Variants in TC2N observed in about 807,000 individuals in gnomAD.
TC2N encodes the protein tandem C2 domains, nuclear.
In TC2N, 51 loss-of-function variants were observed where a neutral mutation model predicts 61.9. The observed-to-expected ratio is 0.82, with a 90% confidence interval of 0.66 to 1.04. The LOEUF (loss-of-function observed/expected upper bound fraction) is 1.04. Ranked by LOEUF, TC2N falls within the 50% of genes least tolerant of loss-of-function variation. TC2N has a pLI of 0.00. For synonymous variants in TC2N, 204 were observed against 192.6 expected (o/e 1.06, Z -0.49); for missense variants, 556 against 566.7 (o/e 0.98, Z 0.19).
intron 1 of TC2N, among the ~76,000 whole-genome samples, chr14:91,863,706 C>T (rs1433289120): frequency 6.6e-6 from 1 of 151,564 alleles, no homozygotes; most frequent in Non-Finnish European, 1.5e-5. Flanking sequence ...AGAATGGAGG[C>T]TGGGCATGGT....
intron 1 of TC2N, among the ~76,000 whole-genome samples, chr14:91,816,190 T>C (rs1349497892): frequency 6.6e-6 from 1 of 151,762 alleles, no homozygotes; most frequent in East Asian, 1.9e-4. Flanking sequence ...TAATTTTGCT[T>C]GTATTGCCAA....
At chr14:91,792,641 A>G in intron 8 of TC2N, 83 bp from the exon 9 acceptor site, 1 of 636,268 alleles carries the variant, frequency 1.6e-6, no homozygotes, top group Non-Finnish European at 2.4e-6. Flanking sequence ...TTTTATATTT[A>G]GGAAAGGTAT....
intron 9 of TC2N, among the ~76,000 whole-genome samples, chr14:91,791,670 TA>T (rs1332756043): frequency 6.6e-6 from 1 of 152,172 alleles, no homozygotes; most frequent in Non-Finnish European, 1.5e-5. Flanking sequence ...ACAACTTTCC[TA>T]ATCTATTTCA....
At position 91,802,351 on chromosome 14, in the gene TC2N, ATAGC is replaced by A. The variant is rs748904077; in HGVS notation, c.368_371del (p.Ser123MetfsTer17). On this transcript the variant is annotated frameshift_variant, in exon 4 of 12. Coordinates refer to ENST00000435962, the MANE Select transcript of TC2N (RefSeq NM_001128596.3). LOFTEE classifies it high-confidence loss of function. ...ACATATAGAATGGGTTATACACATC[ATAGC>A]TAGGTCCGTGCTGGGATGAACTGGA... The A allele has an allele frequency of 3.1e-6, 5 of 1,612,936 alleles. No individual in the cohort carries two copies.
intron 1 of TC2N, among the ~76,000 whole-genome samples, chr14:91,861,517 C>T (rs1042128357): frequency 2.6e-5 from 4 of 151,990 alleles, no homozygotes; most frequent in Admixed American, 6.6e-5. Context: ...GGAGAACAGA[C>T]GGAGGGGAAG....
chr14:91,811,469 A>T (rs931570580), intron 3 of TC2N, among the ~76,000 whole-genome samples: 4 of 151,906 alleles, frequency 2.6e-5, no homozygotes, highest in Admixed American at 6.6e-5. Flanking sequence ...ATTGTTTTTT[A>T]AAAAAACAAG....
intron 10 of TC2N, 76 bp from the exon 11 acceptor site, chr14:91,785,437 T>C: frequency 2.0e-6 from 2 of 999,038 alleles, no homozygotes. Flanking sequence ...CACATCCAAG[T>C]TGGAATATAT....
intron 1 of TC2N, among the ~76,000 whole-genome samples, chr14:91,856,502 A>G (rs962579573): frequency 7.8e-4 from 117 of 149,480 alleles, no homozygotes; most frequent in Non-Finnish European, 1.3e-3. Flanking sequence ...AAAAAAAAAA[A>G]AGACAAGTTT....
At chr14:91,804,564 C>T (rs1483774831) in intron 3 of TC2N, among the ~76,000 whole-genome samples, 2 of 152,148 alleles carry the variant, frequency 1.3e-5, no homozygotes, top group African/African-American at 2.4e-5. Context: ...ATAATATACA[C>T]TTACTGTACA....
At chr14:91,823,342 G>A (rs566297447) in intron 1 of TC2N, among the ~76,000 whole-genome samples, 1 of 151,794 alleles carries the variant, frequency 6.6e-6, no homozygotes, top group South Asian at 2.1e-4. Context: ...CCAACCTGAA[G>A]AAACCCCATC....
At chr14:91,789,278 T>A (rs1056392871) in intron 9 of TC2N, among the ~76,000 whole-genome samples, 1 of 151,316 alleles carries the variant, frequency 6.6e-6, no homozygotes, top group African/African-American at 2.4e-5. Context: ...GGACATTAAT[T>A]CAGATCATGA....
At chr14:91,860,331 C>CAA (rs34305755) in intron 1 of TC2N, among the ~76,000 whole-genome samples, 46 of 125,512 alleles carry the variant, frequency 3.7e-4, no homozygotes, top group African/African-American at 1.3e-3. Flanking sequence ...CATTTCCTTG[C>CAA]AAAAAAAAAA....
At chr14:91,836,811 C>T (rs1229367979) in intron 1 of TC2N, among the ~76,000 whole-genome samples, 1 of 151,968 alleles carries the variant, frequency 6.6e-6, no homozygotes. Flanking sequence ...GGGAGACAAG[C>T]GGTAGGAGGG....
At chr14:91,863,644 T>A (rs1251323808) in intron 1 of TC2N, among the ~76,000 whole-genome samples, 3 of 152,022 alleles carry the variant, frequency 2.0e-5, no homozygotes, top group Admixed American at 6.6e-5. Flanking sequence ...ATGTGGGGTC[T>A]GGCCTGTGGG....
At chr14:91,840,173 C>T (rs1006206847) in intron 1 of TC2N, among the ~76,000 whole-genome samples, 1 of 152,174 alleles carries the variant, frequency 6.6e-6, no homozygotes, top group Non-Finnish European at 1.5e-5. Flanking sequence ...GAACAAAGCT[C>T]TCTCCACTGC....
chr14:91,807,702 G>C (rs1385638142), intron 3 of TC2N, among the ~76,000 whole-genome samples: 2 of 152,198 alleles, frequency 1.3e-5, no homozygotes, highest in Non-Finnish European at 2.9e-5. Context: ...CTTTGTCTCA[G>C]ATGAGACTTT....
chr14:91,826,877 T>A (rs113913838), intron 1 of TC2N, among the ~76,000 whole-genome samples: 4 of 152,356 alleles, frequency 2.6e-5, no homozygotes, highest in Middle Eastern at 3.4e-3. Flanking sequence ...GTTATAGCTA[T>A]GCAGCTTTCT....
At chr14:91,864,249 T>C (rs1309239386) in intron 1 of TC2N, among the ~76,000 whole-genome samples, 1 of 152,202 alleles carries the variant, frequency 6.6e-6, no homozygotes, top group Non-Finnish European at 1.5e-5. Flanking sequence ...AGTTGCTCCT[T>C]ACTTCTCAGG....
At chr14:91,842,672 C>T (rs976949789) in intron 1 of TC2N, among the ~76,000 whole-genome samples, 4 of 152,112 alleles carry the variant, frequency 2.6e-5, no homozygotes, top group African/African-American at 7.2e-5. Flanking sequence ...GATAACCAAA[C>T]GGTTGCCTGA....
Sources: gnomAD v4.1 joint callset for allele counts (sites outside exome capture counted in the v4.1 genomes callset) on GRCh38, gnomAD v4.1.1 for gene constraint, MANE v1.5 for transcripts, NCBI Gene and HGNC (gene_info 2026-07-23, HGNC 2026-07-21) for gene names.